The following KCNMA1 variants were observed in gnomAD, a reference collection of about 807,000 sequenced individuals.
KCNMA1 encodes the protein Calcium-activated potassium channel subunit alpha-1.
In KCNMA1, 29 loss-of-function variants were observed where a neutral mutation model predicts 140.0. The observed-to-expected ratio is 0.21, with a 90% CI of 0.15 to 0.28. The LOEUF (loss-of-function observed/expected upper bound fraction) is 0.28, where lower values mean the gene tolerates loss of function less well. Among genes scored for constraint, KCNMA1 ranks in the 10% least tolerant of loss-of-function variants. The pLI is 1.00. For missense variants in KCNMA1, 880 were observed against 1,602.2 expected, an observed-to-expected ratio of 0.55 and a Z score of 7.70; for synonymous variants, 612 against 611.9, an observed-to-expected ratio of 1.00 and a Z score of 0.00.
intron 5 of KCNMA1, among the ~76,000 whole-genome samples, chr10:77,148,723 G>A (rs907759859): frequency 6.6e-6 from 1 of 152,202 alleles, no homozygotes; most frequent in African/African-American, 2.4e-5. Flanking sequence ...GCGGCCATTG[G>A]AGTGAGAAAA....
At chr10:77,619,246 G>A (rs1015824395) in intron 1 of KCNMA1, among the ~76,000 whole-genome samples, 7 of 152,088 alleles carry the variant, frequency 4.6e-5, no homozygotes, top group African/African-American at 1.4e-4. Context: ...TGGGGTTGGA[G>A]GATCCACTTC....
intron 1 of KCNMA1, among the ~76,000 whole-genome samples, chr10:77,624,657 A>G (rs1267216149): frequency 2.6e-5 from 4 of 152,220 alleles, no homozygotes; most frequent in Non-Finnish European, 4.4e-5. Flanking sequence ...TTATATTGAA[A>G]TCATGAAATC....
chr10:77,482,304 A>G (rs1027491898), intron 1 of KCNMA1, among the ~76,000 whole-genome samples: 1 of 152,224 alleles, frequency 6.6e-6, no homozygotes, highest in Non-Finnish European at 1.5e-5. Flanking sequence ...TAAGCTGCTC[A>G]TGCTGGGTCC....
chr10:77,186,432 G>T (rs140028017), intron 3 of KCNMA1, among the ~76,000 whole-genome samples: 1 of 151,738 alleles, frequency 6.6e-6, no homozygotes, highest in African/African-American at 2.4e-5. Flanking sequence ...TGGGTAGAAA[G>T]ACAGCATGGA....
At chr10:77,285,573 C>A (rs77640199) in intron 2 of KCNMA1, among the ~76,000 whole-genome samples, 1,531 of 152,186 alleles carry the variant, frequency 0.01, 30 homozygotes, top group African/African-American at 0.034. Context: ...GTGTTTTGCC[C>A]TTCTTTAAAA....
chr10:77,242,368 T>C lies in KCNMA1; in HGVS notation c.602+8827A>G, dbSNP rs1037847536. Among the ~76,000 whole-genome samples, 11 of 152,268 alleles carry C rather than the reference T, an allele frequency of 7.2e-5. 2 individuals carry two copies. On this transcript the variant is annotated intron_variant, in intron 3 of 27. Coordinates refer to ENST00000286628, the MANE Select transcript of KCNMA1 (RefSeq NM_001161352.2). ...GCTTGACTTTAGCGTATACTGAAAA[T>C]CACAAAGCCCGAGTACAGGCCATAA...
At chr10:77,000,857 A>AATATATATATAT (rs56359933) in intron 19 of KCNMA1, among the ~76,000 whole-genome samples, 781 of 35,838 alleles carry the variant, frequency 0.022, 18 homozygotes, top group Non-Finnish European at 0.027. Context: ...GTAAAAAGAA[A>AATATATATATAT]ATATATATAT....
intron 14 of KCNMA1, among the ~76,000 whole-genome samples, chr10:77,050,709 A>G (rs2095331050): frequency 6.6e-6 from 1 of 152,234 alleles, no homozygotes; most frequent in Non-Finnish European, 1.5e-5. Flanking sequence ...CATTTTGAGT[A>G]GCAAGGAGCT....
chr10:77,322,470 T>C (rs1458047628), intron 2 of KCNMA1, among the ~76,000 whole-genome samples: 2 of 152,222 alleles, frequency 1.3e-5, no homozygotes, highest in African/African-American at 4.8e-5. Context: ...GTGCTGCAGA[T>C]GTGTTTATCA....
At chr10:76,993,948 G>T (rs1191642706) in intron 19 of KCNMA1, among the ~76,000 whole-genome samples, 1 of 152,188 alleles carries the variant, frequency 6.6e-6, no homozygotes, top group African/African-American at 2.4e-5. Flanking sequence ...TTATCTCGAG[G>T]TTTCATTACC....
intron 2 of KCNMA1, among the ~76,000 whole-genome samples, chr10:77,280,147 T>C (rs896062260): frequency 1.3e-5 from 2 of 152,190 alleles, no homozygotes; most frequent in East Asian, 3.8e-4. Flanking sequence ...TGTGCTTATC[T>C]TGAAATCTCA....
intron 5 of KCNMA1, among the ~76,000 whole-genome samples, chr10:77,122,896 T>G (rs1014401252): frequency 1.3e-5 from 2 of 152,026 alleles, no homozygotes; most frequent in Non-Finnish European, 2.9e-5. Context: ...CAAAAAGTGT[T>G]GGCCGGGCAC....
At chr10:77,153,919 C>A (rs1330784716) in intron 5 of KCNMA1, among the ~76,000 whole-genome samples, 1 of 152,100 alleles carries the variant, frequency 6.6e-6, no homozygotes, top group Non-Finnish European at 1.5e-5. Context: ...ACTTTCCCAA[C>A]GTCATTTGTA....
intron 3 of KCNMA1, among the ~76,000 whole-genome samples, chr10:77,230,932 T>C (rs2053372817): frequency 1.3e-5 from 2 of 152,140 alleles, no homozygotes; most frequent in South Asian, 4.1e-4. Context: ...GTGAAGCAGA[T>C]AACCTCAATC....
At chr10:77,340,751 T>A (rs1764262023) in intron 2 of KCNMA1, among the ~76,000 whole-genome samples, 1 of 151,728 alleles carries the variant, frequency 6.6e-6, no homozygotes, top group African/African-American at 2.4e-5. Context: ...TTAGGAGATA[T>A]ACCTAATGTA....
At chr10:77,420,604 G>T (rs1422881915) in intron 1 of KCNMA1, among the ~76,000 whole-genome samples, 3 of 152,192 alleles carry the variant, frequency 2.0e-5, no homozygotes, top group Non-Finnish European at 2.9e-5. Flanking sequence ...AGGAGCCAGG[G>T]CTTATTAATT....
chr10:76,929,549 TA>T (rs1291433311), intron 23 of KCNMA1, among the ~76,000 whole-genome samples: 1 of 152,222 alleles, frequency 6.6e-6, no homozygotes, highest in East Asian at 1.9e-4. Context: ...ATTTATTCTA[TA>T]AATAAATTTC....
intron 9 of KCNMA1, among the ~76,000 whole-genome samples, chr10:77,103,295 C>T (rs887762953): frequency 5.9e-5 from 9 of 152,330 alleles, no homozygotes; most frequent in Non-Finnish European, 1.2e-4. Flanking sequence ...GGCAGACAGC[C>T]CTAACTCCCT....
intron 3 of KCNMA1, among the ~76,000 whole-genome samples, chr10:77,248,167 A>G (rs2058968880): frequency 6.6e-6 from 1 of 152,238 alleles, no homozygotes; most frequent in African/African-American, 2.4e-5. Context: ...GCTAATGGAC[A>G]GAAGTAAAAT....
Sources: allele counts gnomAD v4.1 joint callset (sites outside exome capture counted in the v4.1 genomes callset), GRCh38; gene constraint gnomAD v4.1.1; transcripts MANE v1.5; gene names NCBI Gene and HGNC (gene_info 2026-07-23, HGNC 2026-07-21).